Variants in ZSWIM5 observed in about 807,000 individuals in gnomAD.
ZSWIM5 encodes zinc finger SWIM-type containing 5, also known as zinc finger SWIM domain-containing protein 5.
In ZSWIM5, 55 loss-of-function variants were observed where a neutral mutation model predicts 119.6. That is an observed-to-expected ratio of 0.46 (90% CI 0.37 to 0.58). The LOEUF (loss-of-function observed/expected upper bound fraction) is 0.58. Among genes scored for constraint, ZSWIM5 ranks in the 20% least tolerant of loss-of-function variants. The pLI, the probability that ZSWIM5 is intolerant of heterozygous loss-of-function variation, is 0.00. For missense variants in ZSWIM5, 1,193 were observed against 1,512.8 expected, an observed-to-expected ratio of 0.79 and a Z score of 3.51; for synonymous variants, 537 against 606.9, an observed-to-expected ratio of 0.88 and a Z score of 1.69.
intron 2 of ZSWIM5, among the ~76,000 whole-genome samples, chr1:45,074,179 T>G (rs1230103480): frequency 6.6e-6 from 1 of 152,032 alleles, no homozygotes; most frequent in Non-Finnish European, 1.5e-5. Context: ...ATCAGAGATA[T>G]TGGCCTGTAG....
intron 1 of ZSWIM5, among the ~76,000 whole-genome samples, chr1:45,183,061 G>C (rs1355042073): frequency 6.6e-6 from 1 of 152,034 alleles, no homozygotes; most frequent in African/African-American, 2.4e-5. Context: ...TCAGACCACA[G>C]TGCAATCAAA....
intron 1 of ZSWIM5, among the ~76,000 whole-genome samples, chr1:45,126,458 A>G (rs1455810251): frequency 6.6e-6 from 1 of 152,202 alleles, no homozygotes; most frequent in East Asian, 1.9e-4. Context: ...AATTCCTTAG[A>G]AAGCACAAAC....
intron 1 of ZSWIM5, among the ~76,000 whole-genome samples, chr1:45,098,547 C>G (rs1452136656): frequency 6.6e-6 from 1 of 152,166 alleles, no homozygotes; most frequent in Non-Finnish European, 1.5e-5. Context: ...ACCAAGCAGA[C>G]CTAATAGACA....
chr1:45,140,777 G>C lies in ZSWIM5; in HGVS notation c.596-52540C>G, dbSNP rs189359668. The stretch of plus-strand genomic sequence containing the variant: ...GCACACTTTACTCTCTCCCACTGAA[G>C]GCAGCTTTCAAACTTGGAAAGAATG... On this transcript the variant is annotated intron_variant, in intron 1 of 13. Coordinates refer to ENST00000359600, the MANE Select transcript of ZSWIM5 (RefSeq NM_020883.2). Among the ~76,000 whole-genome samples, 5 of 152,306 alleles carry C rather than the reference G, an allele frequency of 3.3e-5. No individual in the cohort carries two copies. In the East Asian group the frequency reaches 9.6e-4, roughly 29 times the overall value.
chr1:45,176,013 C>A (rs1221390336), intron 1 of ZSWIM5, among the ~76,000 whole-genome samples: 1 of 151,726 alleles, frequency 6.6e-6, no homozygotes. Flanking sequence ...AGCCATTTCT[C>A]CAAGGAGGCT....
intron 1 of ZSWIM5, among the ~76,000 whole-genome samples, chr1:45,192,914 C>T (rs1646100766): frequency 6.6e-6 from 1 of 152,084 alleles, no homozygotes. Context: ...TGCTGTTGAG[C>T]ATCTTTTCTT....
Position 45,186,522 on chromosome 1 carries a change from G to C in ZSWIM5, c.595+19234C>G, listed in dbSNP as rs560763976. 2.0e-5 allele frequency among the ~76,000 whole-genome samples: 3 copies of C among 151,982 alleles called. No homozygotes were observed. In the South Asian group the frequency reaches 6.2e-4, roughly 32 times the overall value. On this transcript the variant is annotated intron_variant, in intron 1 of 13. Coordinates refer to ENST00000359600, the MANE Select transcript of ZSWIM5 (RefSeq NM_020883.2). The stretch of plus-strand genomic sequence containing the variant: ...GAATGCAGATAGCTTCTAGAAATTG[G>C]AAAAAGACATGGAAAGAGATTCTTT...
intron 1 of ZSWIM5, among the ~76,000 whole-genome samples, chr1:45,099,515 G>A (rs1237922580): frequency 6.6e-6 from 1 of 152,076 alleles, no homozygotes; most frequent in African/African-American, 2.4e-5. Context: ...TTCCAATCAA[G>A]AGAAAAACAG....
intron 2 of ZSWIM5, among the ~76,000 whole-genome samples, chr1:45,085,553 T>C (rs1645322462): frequency 6.9e-6 from 1 of 145,068 alleles, no homozygotes; most frequent in African/African-American, 2.6e-5. Context: ...TTTTTGCTCA[T>C]GAATATGAGC....
At chr1:45,080,042 CA>C (rs1645280285) in intron 2 of ZSWIM5, among the ~76,000 whole-genome samples, 1 of 152,126 alleles carries the variant, frequency 6.6e-6, no homozygotes, top group Non-Finnish European at 1.5e-5. Context: ...TCTCCTCGAG[CA>C]AAGGGACGGG....
chr1:45,095,169 C>T (rs1425667658), intron 1 of ZSWIM5, among the ~76,000 whole-genome samples: 1 of 151,636 alleles, frequency 6.6e-6, no homozygotes, highest in African/African-American at 2.4e-5. Flanking sequence ...TCTCTGTTGC[C>T]CAAGCTGGAG....
At chr1:45,026,273 G>A (rs1352030373) in intron 11 of ZSWIM5, among the ~76,000 whole-genome samples, 1 of 152,058 alleles carries the variant, frequency 6.6e-6, no homozygotes, top group African/African-American at 2.4e-5. Context: ...AGGCTCAAGC[G>A]ATTCTCTCAT....
intron 8 of ZSWIM5, among the ~76,000 whole-genome samples, chr1:45,037,899 T>C (rs1357132696): frequency 6.6e-6 from 1 of 152,206 alleles, no homozygotes; most frequent in African/African-American, 2.4e-5. Context: ...TCTTTTCTTT[T>C]CTCCCTCATC....
chr1:45,167,539 C>A (rs1172921211), intron 1 of ZSWIM5, among the ~76,000 whole-genome samples: 1 of 152,002 alleles, frequency 6.6e-6, no homozygotes. Flanking sequence ...AACAGGCAAC[C>A]TACAGAATGA....
At chr1:45,068,107 C>CTTTTTTTTTTTTTTTCT (rs71040545) in intron 2 of ZSWIM5, among the ~76,000 whole-genome samples, 2 of 113,288 alleles carry the variant, frequency 1.8e-5, no homozygotes, top group Non-Finnish European at 3.4e-5. Context: ...TTTTTTTTTT[C>CTTTTTTTTTTTTTTTCT]TTTTTTTTTT....
At position 45,019,335 on chromosome 1, in the gene ZSWIM5, G is replaced by A. The variant is rs755392901; in HGVS notation, c.2696-19C>T. On this transcript the variant is annotated intron_variant, in intron 13 of 13. Transcript: ENST00000359600. This position sits in a 1 kb window ranked among gnomAD's most constrained non-coding sequence, Gnocchi z 5.0. ...CGCACACCTGTCAGGGGGAGCCTGA[G>A]CTCAGCCGTGGCCATCTGGGTCCTG... The A allele has an allele frequency of 1.3e-6, 2 of 1,596,940 alleles. No individual in the cohort carries two copies. The highest frequency in any genetic ancestry group is 1.7e-5 in the Admixed American group (1 of 59,652).
chr1:45,082,497 T>C (rs1039226200), intron 2 of ZSWIM5, among the ~76,000 whole-genome samples: 1 of 152,196 alleles, frequency 6.6e-6, no homozygotes, highest in Non-Finnish European at 1.5e-5. Flanking sequence ...TGGAACTCAG[T>C]TCTATGTCTT....
chr1:45,061,637 C>G (rs1310810147), intron 2 of ZSWIM5, among the ~76,000 whole-genome samples: 1 of 151,538 alleles, frequency 6.6e-6, no homozygotes, highest in Non-Finnish European at 1.5e-5. Flanking sequence ...TCCCAAAGTG[C>G]TGGGATTACA....
At chr1:45,135,424 G>C (rs1332193393) in intron 1 of ZSWIM5, among the ~76,000 whole-genome samples, 1 of 152,074 alleles carries the variant, frequency 6.6e-6, no homozygotes, top group Non-Finnish European at 1.5e-5. Context: ...TATGTGTTTT[G>C]TCTTAAAAAA....
Sources: gnomAD v4.1 joint callset for allele counts (sites outside exome capture counted in the v4.1 genomes callset) on GRCh38, gnomAD v4.1.1 for gene constraint, Gnocchi (gnomAD v3.1) non-coding constraint, MANE v1.5 for transcripts, NCBI Gene and HGNC (gene_info 2026-07-23, HGNC 2026-07-21) for gene names.